The following SPTAN1 variants were observed in gnomAD, a reference collection of about 807,000 sequenced individuals.
SPTAN1 encodes spectrin alpha chain, non-erythrocytic 1.
SPTAN1 carries 61 observed loss-of-function variants against 331.3 expected under a neutral mutation model. The observed-to-expected ratio is 0.18, with a 90% CI of 0.15 to 0.23. The LOEUF is 0.23. Ranked by LOEUF, SPTAN1 falls within the 10% of genes least tolerant of loss-of-function variation. The pLI is 1.00. For synonymous variants in SPTAN1, 1,153 were observed against 1,173.9 expected (o/e 0.98, Z 0.36); for missense variants, 2,043 against 3,147.9 (o/e 0.65, Z 8.40).
intron 1 of SPTAN1, among the ~76,000 whole-genome samples, chr9:128,554,920 G>A (rs905261094): frequency 1.3e-5 from 2 of 152,206 alleles, no homozygotes; most frequent in East Asian, 1.9e-4. Context: ...TCAGATCTTT[G>A]TGGCTTGAGT....
At chr9:128,622,422 C>T (rs1408057799) in intron 45 of SPTAN1, among the ~76,000 whole-genome samples, 1 of 151,620 alleles carries the variant, frequency 6.6e-6, no homozygotes, top group East Asian at 1.9e-4. Context: ...GCCTCAGCCT[C>T]CCTAGTAGCT....
chr9:128,590,841 C>T (rs868377290), intron 21 of SPTAN1, among the ~76,000 whole-genome samples: 32 of 151,954 alleles, frequency 2.1e-4, no homozygotes, highest in Admixed American at 1.2e-3. Flanking sequence ...CAGAGCAAGA[C>T]TCTGTCTCCA....
rs765946226 is a variant in SPTAN1 at position 128,611,793 on chromosome 9, G to A, written c.4853G>A (p.Gly1618Asp). The A allele has an allele frequency of 6.2e-7, 1 of 1,614,160 alleles. No homozygotes were observed. The highest frequency in any genetic ancestry group is 8.5e-7 in the Non-Finnish European group (1 of 1,180,040). ...ADRIRGVIDM[G>D]NSLIERGACA... is the part of the protein sequence containing the mutation. Reference sequence around the variant, plus strand: ...CGGATCCGTGGGGTTATCGACATGGGCAACTCCCTCATTGAACGTGGAGCC... The same window carrying A: ...CGGATCCGTGGGGTTATCGACATGGACAACTCCCTCATTGAACGTGGAGCC... Residue 1618 changes from glycine (G) to aspartate (D), a missense_variant, in exon 38 of 57, where the codon GGC becomes GAC. Gly to Asp is a moderately conservative substitution (Grantham distance 94, BLOSUM62 -1). This residue lies in a region of SPTAN1 where 323 missense variants were observed against 581.1 expected (regional missense o/e 0.56). Transcript: ENST00000372739.
chr9:128,594,429 A>ATTTTTTTT (rs10679469), intron 24 of SPTAN1, 56 bp downstream of exon 24: 74 of 759,928 alleles, frequency 9.7e-5, no homozygotes, highest in Non-Finnish European at 1.2e-4. Context: ...GAGTCTCTTG[A>ATTTTTTTT]TTTTTTTTTT....
At chr9:128,598,541 G>A (rs1485302868) in intron 25 of SPTAN1, 37 bp downstream of exon 25, 1 of 1,472,002 alleles carries the variant, frequency 6.8e-7, no homozygotes, top group Non-Finnish European at 9.4e-7. Context: ...CTCTGTTGCT[G>A]TAAGGATGCA....
chr9:128,618,945 A>G lies in SPTAN1; in HGVS notation c.5675A>G (p.Asn1892Ser), dbSNP rs1425744048. 1.9e-6 allele frequency: 3 copies of G among 1,614,026 alleles called. No individual in the cohort carries two copies. The highest frequency in any genetic ancestry group is 1.3e-5 in the African/African-American group (1 of 74,924). Reference protein sequence around the residue: ...ANVEEEEAWINEKMTLVASED... With the variant: ...ANVEEEEAWISEKMTLVASED... Reference sequence around the variant, plus strand: ...GTGGAAGAGGAAGAAGCCTGGATCAATGAGAAAATGACCCTGGTGGCCAGC... The same window carrying G: ...GTGGAAGAGGAAGAAGCCTGGATCAGTGAGAAAATGACCCTGGTGGCCAGC... The change falls in exon 44 of 57, where the codon AAT becomes AGT. Residue 1892 changes from asparagine (N) to serine (S), a missense_variant. By Grantham distance (46) the Asn-to-Ser change is conservative. Transcript: ENST00000372739.
chr9:128,621,764 AT>A (rs1036370647), intron 45 of SPTAN1: 1 of 175,148 alleles, frequency 5.7e-6, no homozygotes, highest in Non-Finnish European at 1.3e-5. Context: ...TGTACAGGGC[AT>A]TTTAGAAATG....
In SPTAN1 at chr9:128,593,533, A is replaced by T. The variant is rs76156881; in HGVS notation, c.3215+491A>T. 6.1e-3 allele frequency: 1,225 copies of T among 202,310 alleles called. 21 individuals carry two copies. The highest frequency in any genetic ancestry group is 0.027 in the African/African-American group (1,172 of 42,812). 12.5% of individuals were successfully genotyped at this position (202,310 alleles called of 1,614,324 possible). ...CAAAGATAATATTTCAGCCTTTTGT[A>T]TTTTAGTTCCCGAGGGTTAGAATAT... On this transcript the variant is annotated intron_variant, in intron 23 of 56. Coordinates refer to ENST00000372739, the MANE Select transcript of SPTAN1 (RefSeq NM_001130438.3).
intron 22 of SPTAN1, 58 bp downstream of exon 22, chr9:128,591,683 A>G: frequency 1.2e-6 from 2 of 1,607,654 alleles, no homozygotes; most frequent in Non-Finnish European, 1.7e-6. Flanking sequence ...ACTCTGTTCC[A>G]CATGGGCCGA....
chr9:128,631,946 A>C, intron 52 of SPTAN1, 181 bp from the exon 53 acceptor site: 2 of 641,642 alleles, frequency 3.1e-6, no homozygotes, highest in East Asian at 2.8e-5. Flanking sequence ...CTCTCCCTCT[A>C]TTGAGGTGGT....
In SPTAN1 at chr9:128,580,869, G is replaced by A. The variant is rs538156861; in HGVS notation, c.1324-53G>A. On this transcript the variant is annotated intron_variant, in intron 10 of 56. Coordinates refer to ENST00000372739, the MANE Select transcript of SPTAN1 (RefSeq NM_001130438.3). Reference sequence around the variant, plus strand: ...CCAGGATAGCTGTTCTGTCTGCCTCGGAGGCATTGGGGCTGACCTCATCTC... The same window carrying A: ...CCAGGATAGCTGTTCTGTCTGCCTCAGAGGCATTGGGGCTGACCTCATCTC... 24 of 1,610,626 alleles carry A rather than the reference G, an allele frequency of 1.5e-5. No homozygotes were observed. In the African/African-American group the frequency reaches 2.5e-4, roughly 17 times the overall value.
intron 3 of SPTAN1, among the ~76,000 whole-genome samples, chr9:128,572,204 T>C (rs566144228): frequency 6.6e-6 from 1 of 152,316 alleles, no homozygotes; most frequent in African/African-American, 2.4e-5. Flanking sequence ...CTGTCTTCTT[T>C]GCTTAATGTT....
At chr9:128,575,059 TA>T in intron 4 of SPTAN1, 139 bp from the exon 5 acceptor site, 1 of 1,353,662 alleles carries the variant, frequency 7.4e-7, no homozygotes, top group Non-Finnish European at 1.1e-6. Flanking sequence ...TGGGAGGAAC[TA>T]AAATCACAAA....
intron 1 of SPTAN1, among the ~76,000 whole-genome samples, chr9:128,561,914 G>T (rs1849419035): frequency 6.6e-6 from 1 of 152,112 alleles, no homozygotes; most frequent in South Asian, 2.1e-4. Flanking sequence ...TGTGCCCAGA[G>T]AGTAAGAGTA....
chr9:128,599,173 CAA>C, intron 26 of SPTAN1, 187 bp downstream of exon 26: 1 of 667,544 alleles, frequency 1.5e-6, no homozygotes, highest in Non-Finnish European at 2.7e-6. Context: ...CTCACTCTGT[CAA>C]CCAGGCTGGA....
chr9:128,588,706 T>C, intron 20 of SPTAN1, 103 bp from the exon 21 acceptor site: 2 of 1,491,932 alleles, frequency 1.3e-6, no homozygotes, highest in East Asian at 2.3e-5. Flanking sequence ...GAGTGTATAT[T>C]TGGTACATTT....
intron 27 of SPTAN1, among the ~76,000 whole-genome samples, chr9:128,602,742 T>G (rs10819422): frequency 0.16 from 24,559 of 152,036 alleles, 2,545 homozygotes; most frequent in East Asian, 0.44. Flanking sequence ...TTCAAGCGAT[T>G]CTCATGCCTC....
rs374478564 is a variant in SPTAN1, at chr9:128,580,948, G to A, written c.1350G>A (p.Ala450=). ...TGACCGTCCTTTCCGAGGAGAGAGC[G>A]GCGCTGCTGGAGCTGTGGGAGCTGC... is the stretch of plus-strand genomic sequence containing the variant. The part of the protein sequence containing the change: ...EKLTVLSEER[A]ALLELWELRR... The change falls in exon 11 of 57, where the codon GCG becomes GCA. Residue 450 remains alanine, a synonymous_variant. Coordinates refer to ENST00000372739, the MANE Select transcript of SPTAN1 (RefSeq NM_001130438.3). 1.6e-5 allele frequency: 26 copies of A among 1,613,340 alleles called. No individual in the cohort carries two copies. Among genetic ancestry groups the A allele is most frequent in the Admixed American group, 1.3e-4 (8 of 59,998 alleles).
In SPTAN1 at chr9:128,577,441, T is replaced by C. The variant is rs1564211882; in HGVS notation, c.1020T>C (p.Ile340=). 2 of 1,614,186 alleles carry C rather than the reference T, an allele frequency of 1.2e-6. No individual in the cohort carries two copies. The highest frequency in any genetic ancestry group is 1.1e-5 in the South Asian group (1 of 91,084). Residue 340 remains isoleucine (I), a synonymous_variant, in exon 8 of 57, where the codon ATT becomes ATC. Transcript: ENST00000372739. This position sits in a 1 kb window ranked among gnomAD's most constrained non-coding sequence, Gnocchi z 4.2. ...TQIQVKREEL[I]TNWEQIRTLA... is the part of the protein sequence containing the mutation. ...TTCAAGTGAAGCGAGAGGAACTGAT[T>C]ACAAACTGGGAGCAGATCCGCACCT...
Sources: gnomAD v4.1 joint callset for allele counts (sites outside exome capture counted in the v4.1 genomes callset) on GRCh38, gnomAD v4.1.1 for gene constraint, gnomAD v4.1.1 regional missense constraint, Gnocchi (gnomAD v3.1) non-coding constraint, MANE v1.5 for transcripts, NCBI Gene and HGNC (gene_info 2026-07-23, HGNC 2026-07-21) for gene names.